The following EFHD1 variants were observed in gnomAD, a reference collection of about 807,000 sequenced individuals.
EFHD1 encodes the protein EF-hand domain-containing protein D1.
In EFHD1, 10 loss-of-function variants were observed where a neutral mutation model predicts 17.2. That is an observed-to-expected ratio of 0.58 (90% CI 0.36 to 0.99). The LOEUF is 0.99. Ranked by LOEUF, EFHD1 falls within the 50% of genes least tolerant of loss-of-function variation. The probability of loss-of-function intolerance (pLI) is 0.01; values close to 1 mark genes in which losing one functional copy is unlikely to be tolerated. For missense variants in EFHD1, 310 were observed against 327.5 expected, an observed-to-expected ratio of 0.95 and a Z score of 0.41; for synonymous variants, 153 against 142.0, an observed-to-expected ratio of 1.08 and a Z score of -0.55.
chr2:232,623,232 G>A (rs990699835), intron 1 of EFHD1, among the ~76,000 whole-genome samples: 6 of 152,086 alleles, frequency 3.9e-5, no homozygotes, highest in Non-Finnish European at 7.4e-5. Context: ...TTTTTGTAGA[G>A]ATGGGGTCTC....
At chr2:232,633,424 G>A (rs1172678152), upstream of EFHD1, 12 of 1,202,494 alleles carry the variant, frequency 1.0e-5, no homozygotes, top group Non-Finnish European at 1.2e-5. Flanking sequence ...GAGCCGCGGG[G>A]AGAGGAAGCA....
chr2:232,654,416 C>CTTTTTTTTTTTTT (rs539954632), intron 1 of EFHD1, among the ~76,000 whole-genome samples: 43 of 94,610 alleles, frequency 4.5e-4, no homozygotes, highest in Non-Finnish European at 5.5e-4. Flanking sequence ...TTCTTTCTTT[C>CTTTTTTTTTTTTT]TTTTTTTTTT....
chr2:232,639,260 CAT>C (rs1230047279), intron 1 of EFHD1, among the ~76,000 whole-genome samples: 2 of 152,102 alleles, frequency 1.3e-5, no homozygotes, highest in Non-Finnish European at 2.9e-5. Flanking sequence ...TAAAGTGTTA[CAT>C]TATACAGAAA....
intron 1 of EFHD1, among the ~76,000 whole-genome samples, chr2:232,639,571 G>A (rs368182966): frequency 4.6e-5 from 7 of 152,144 alleles, no homozygotes; most frequent in African/African-American, 1.7e-4. Flanking sequence ...GTACCCCCTG[G>A]ACCAACTAGT....
chr2:232,638,306 G>T (rs945848977), intron 1 of EFHD1: 7 of 469,588 alleles, frequency 1.5e-5, no homozygotes, highest in East Asian at 7.0e-5. Context: ...AAATGCAGCC[G>T]CAAGGTTTTT....
intron 1 of EFHD1, among the ~76,000 whole-genome samples, chr2:232,635,136 C>T (rs1334383779): frequency 6.6e-6 from 1 of 152,194 alleles, no homozygotes; most frequent in Non-Finnish European, 1.5e-5. Flanking sequence ...TTTTCTGGGT[C>T]TAGTTTGGGC....
At chr2:232,654,695 T>C (rs905483248) in intron 1 of EFHD1, among the ~76,000 whole-genome samples, 1 of 152,178 alleles carries the variant, frequency 6.6e-6, no homozygotes, top group East Asian at 1.9e-4. Context: ...CCCAAAGTGC[T>C]GGGATTACAG....
chr2:232,609,982 C>G (rs1015822644), intron 1 of EFHD1, among the ~76,000 whole-genome samples: 1 of 152,136 alleles, frequency 6.6e-6, no homozygotes, highest in East Asian at 1.9e-4. Context: ...ACAGGGGCAG[C>G]GTCCCCAAAA....
chr2:232,613,168 A>C (rs1693840105), intron 1 of EFHD1, among the ~76,000 whole-genome samples: 1 of 151,492 alleles, frequency 6.6e-6, no homozygotes, highest in Non-Finnish European at 1.5e-5. Context: ...TCATGTCTGT[A>C]AGCCCAGCAC....
intron 1 of EFHD1, among the ~76,000 whole-genome samples, chr2:232,659,383 C>T (rs1313799950): frequency 6.6e-6 from 1 of 152,060 alleles, no homozygotes; most frequent in Admixed American, 6.5e-5. Context: ...ACAGTGGGTG[C>T]TATTGGAGAG....
intron 1 of EFHD1, among the ~76,000 whole-genome samples, chr2:232,659,174 C>T (rs1559351676): frequency 6.6e-6 from 1 of 152,052 alleles, no homozygotes; most frequent in Admixed American, 6.6e-5. Flanking sequence ...AGCCACCCAG[C>T]GATCTTGTCT....
chr2:232,629,215 C>T (rs959994064), upstream of EFHD1, among the ~76,000 whole-genome samples: 4 of 152,222 alleles, frequency 2.6e-5, no homozygotes, highest in East Asian at 7.7e-4. Flanking sequence ...GTTTGTTACA[C>T]AGCAATAGAA....
chr2:232,653,789 TG>T (rs1694702583), intron 1 of EFHD1, among the ~76,000 whole-genome samples: 1 of 152,232 alleles, frequency 6.6e-6, no homozygotes, highest in South Asian at 2.1e-4. Context: ...TGTACCCAGC[TG>T]GTGGCTCTCA....
At chr2:232,623,683 AAAAAAAAAAAAGAAGAAGAAG>A (rs1297054304) in intron 1 of EFHD1, among the ~76,000 whole-genome samples, 1 of 122,768 alleles carries the variant, frequency 8.1e-6, no homozygotes. Flanking sequence ...CAAAAAAAAA[AAAAAAAAAAAAGAAGAAGAAG>A]AAGAAGAAGA....
intron 1 of EFHD1, among the ~76,000 whole-genome samples, chr2:232,652,775 A>G (rs1694683572): frequency 6.6e-6 from 1 of 152,116 alleles, no homozygotes; most frequent in Admixed American, 6.6e-5. Context: ...AGAGAAGCAG[A>G]TAGAATAGTG....
chr2:232,634,118 T>C, intron 1 of EFHD1, 112 bp downstream of exon 1: 1 of 1,480,678 alleles, frequency 6.8e-7, no homozygotes, highest in African/African-American at 1.4e-5. Context: ...GGGGTGCAGG[T>C]AGCATTTGGC....
intron 1 of EFHD1, among the ~76,000 whole-genome samples, chr2:232,606,934 G>A (rs1693725206): frequency 6.6e-6 from 1 of 151,262 alleles, no homozygotes; most frequent in South Asian, 2.1e-4. Context: ...TAAAGTTGGG[G>A]TGCACGGAAT....
chr2:232,677,698 GGGT>G (rs906108411), intron 3 of EFHD1, among the ~76,000 whole-genome samples: 16 of 152,126 alleles, frequency 1.1e-4, no homozygotes, highest in African/African-American at 3.6e-4. Context: ...ACTCCAGTCT[GGGT>G]GACAGAGTAA....
chr2:232,678,112 G>A (rs1339670108), intron 3 of EFHD1, among the ~76,000 whole-genome samples: 6 of 151,792 alleles, frequency 4.0e-5, no homozygotes. Flanking sequence ...GTGAAACCCT[G>A]TCTCACTAAA....
Sources: allele counts gnomAD v4.1 joint callset (sites outside exome capture counted in the v4.1 genomes callset), GRCh38; gene constraint gnomAD v4.1.1; transcripts MANE v1.5; gene names NCBI Gene and HGNC (gene_info 2026-07-23, HGNC 2026-07-21).